PCDH7: variants seen among roughly 807,000 people sequenced by gnomAD.
The protein encoded by PCDH7 is protocadherin 7, also known as protocadherin-7.
In PCDH7, 17 loss-of-function variants were observed where a neutral mutation model predicts 58.9. That is an observed-to-expected ratio of 0.29 (90% CI 0.20 to 0.43). The LOEUF (loss-of-function observed/expected upper bound fraction) is 0.43, where lower values mean the gene tolerates loss of function less well. Among genes scored for constraint, PCDH7 ranks in the 20% least tolerant of loss-of-function variants. The pLI, the probability that PCDH7 is intolerant of heterozygous loss-of-function variation, is 1.00. For synonymous variants in PCDH7, 664 were observed against 616.4 expected (o/e 1.08, Z -1.14); for missense variants, 1,274 against 1,441.0 (o/e 0.88, Z 1.88).
intron 1 of PCDH7, among the ~76,000 whole-genome samples, chr4:30,745,623 C>T (rs1031074053): frequency 1.3e-4 from 19 of 151,856 alleles, no homozygotes; most frequent in African/African-American, 4.6e-4. Context: ...CAATCCTGGT[C>T]GACTTTTCTC....
chr4:30,842,580 A>G (rs1186700166), intron 1 of PCDH7, among the ~76,000 whole-genome samples: 1 of 152,116 alleles, frequency 6.6e-6, no homozygotes, highest in African/African-American at 2.4e-5. Context: ...GATGGATTGG[A>G]TGGATGTGTG....
Position 30,763,007 on chromosome 4 carries a change from C to T in PCDH7, c.70+38411C>T, listed in dbSNP as rs140794757. On this transcript the variant is annotated intron_variant, in intron 1 of 3. Coordinates refer to the PCDH7 transcript ENST00000509759. ...CCTGCAATACCAGCACTTTGGGAGGCCTAGGCGGGCGGATCACCTGAGGCC... is the reference window on the plus strand; with the variant it reads ...CCTGCAATACCAGCACTTTGGGAGGTCTAGGCGGGCGGATCACCTGAGGCC... Among the ~76,000 whole-genome samples the T allele has an allele frequency of 4.7e-3, 708 of 152,228 alleles. 6 individuals carry two copies. Among genetic ancestry groups the T allele is most frequent in the African/African-American group, 0.016 (672 of 41,556 alleles).
At chr4:31,034,419 T>A (rs377114553) in intron 3 of PCDH7, among the ~76,000 whole-genome samples, 12 of 152,182 alleles carry the variant, frequency 7.9e-5, no homozygotes, top group African/African-American at 2.9e-4. Flanking sequence ...TAAACAGAAA[T>A]TGTGTGCATT....
intron 3 of PCDH7, among the ~76,000 whole-genome samples, chr4:31,031,899 A>C (rs1381343384): frequency 6.6e-6 from 1 of 152,162 alleles, no homozygotes; most frequent in African/African-American, 2.4e-5. Context: ...CCTCCATTAA[A>C]TGTTTAATTA....
At chr4:30,837,643 G>A (rs942177699) in intron 1 of PCDH7, among the ~76,000 whole-genome samples, 2 of 151,782 alleles carry the variant, frequency 1.3e-5, no homozygotes, top group African/African-American at 2.4e-5. Flanking sequence ...GTTAATAAAC[G>A]CAAAGGTTTG....
intron 3 of PCDH7, among the ~76,000 whole-genome samples, chr4:31,081,737 A>G (rs993988935): frequency 3.3e-5 from 5 of 151,942 alleles, no homozygotes; most frequent in Non-Finnish European, 7.4e-5. Context: ...ACTCTTAGAT[A>G]TAATACAAAC....
At chr4:31,073,550 A>AT (rs144997079) in intron 3 of PCDH7, among the ~76,000 whole-genome samples, 8 of 152,328 alleles carry the variant, frequency 5.3e-5, no homozygotes, top group Non-Finnish European at 1.0e-4. Context: ...TAGTGACTAC[A>AT]TGAAAGACTT....
At chr4:30,804,736 C>G (rs1212704699) in intron 1 of PCDH7, among the ~76,000 whole-genome samples, 1 of 152,092 alleles carries the variant, frequency 6.6e-6, no homozygotes, top group African/African-American at 2.4e-5. Context: ...TTTTTATAAA[C>G]TACCCACTTA....
chr4:31,070,395 C>G (rs1364733145), intron 3 of PCDH7, among the ~76,000 whole-genome samples: 1 of 152,050 alleles, frequency 6.6e-6, no homozygotes, highest in Non-Finnish European at 1.5e-5. Context: ...ACTGATCCAG[C>G]AAGATCCAAT....
At chr4:30,960,582 G>A (rs1212878950) in intron 3 of PCDH7, among the ~76,000 whole-genome samples, 2 of 152,210 alleles carry the variant, frequency 1.3e-5, no homozygotes, top group Non-Finnish European at 2.9e-5. Context: ...CTAACTGTTA[G>A]AGAAACAATC....
At chr4:30,724,074 G>A (rs1047012) in exon 1 of PCDH7, 211,546 of 1,613,824 alleles carry the variant, frequency 0.13, 15,927 homozygotes, top group East Asian at 0.28. Context: ...TCATTGGCGT[G>A]GTTGCTGGCA....
At chr4:30,824,095 CTT>C (rs1553894876) in intron 1 of PCDH7, among the ~76,000 whole-genome samples, 8 of 90,086 alleles carry the variant, frequency 8.9e-5, no homozygotes, top group African/African-American at 3.6e-4. Flanking sequence ...TTCTTTCTTT[CTT>C]TCTTTCTTTC....
chr4:30,992,028 G>A (rs974261032), intron 3 of PCDH7, among the ~76,000 whole-genome samples: 1 of 152,126 alleles, frequency 6.6e-6, no homozygotes, highest in Non-Finnish European at 1.5e-5. Context: ...CTAATTCTGT[G>A]ACTAGGTGAA....
intron 1 of PCDH7, among the ~76,000 whole-genome samples, chr4:30,863,253 G>A (rs930535587): frequency 3.3e-5 from 5 of 152,112 alleles, no homozygotes; most frequent in Non-Finnish European, 4.4e-5. Flanking sequence ...TGATTATGCA[G>A]TTAGCTATTC....
chr4:30,830,235 G>A (rs566428966), intron 1 of PCDH7, among the ~76,000 whole-genome samples: 1 of 151,996 alleles, frequency 6.6e-6, no homozygotes, highest in Non-Finnish European at 1.5e-5. Context: ...TTCACATTAT[G>A]TATGTTGTAG....
chr4:31,110,045 A>G (rs983363388), intron 3 of PCDH7, among the ~76,000 whole-genome samples: 1 of 152,242 alleles, frequency 6.6e-6, no homozygotes, highest in Non-Finnish European at 1.5e-5. Flanking sequence ...AGCATTTACT[A>G]AAAATTCAAA....
chr4:30,822,572 C>T (rs1423163466), intron 1 of PCDH7, among the ~76,000 whole-genome samples: 6 of 151,892 alleles, frequency 4.0e-5, no homozygotes, highest in African/African-American at 1.2e-4. Flanking sequence ...TTGATGAATC[C>T]GTCATGGTTT....
intron 3 of PCDH7, among the ~76,000 whole-genome samples, chr4:31,094,734 G>A (rs569236210): frequency 6.6e-6 from 1 of 152,120 alleles, no homozygotes; most frequent in African/African-American, 2.4e-5. Flanking sequence ...AAAAAAAATT[G>A]TACAGTTTAG....
intron 3 of PCDH7, among the ~76,000 whole-genome samples, chr4:30,989,854 A>G (rs1481938137): frequency 1.3e-5 from 2 of 152,202 alleles, no homozygotes; most frequent in Admixed American, 6.5e-5. Context: ...AGAAATATCA[A>G]TTAATCATTA....
Sources: allele counts gnomAD v4.1 joint callset (sites outside exome capture counted in the v4.1 genomes callset), GRCh38; gene constraint gnomAD v4.1.1; transcripts MANE v1.5; gene names NCBI Gene and HGNC (gene_info 2026-07-23, HGNC 2026-07-21).